Variants in POLR1A observed in about 807,000 individuals in gnomAD.
The protein encoded by POLR1A is RNA polymerase I subunit A.
In POLR1A, 84 loss-of-function variants were observed where a neutral mutation model predicts 205.3. That is an observed-to-expected ratio of 0.41 (90% CI 0.34 to 0.49). The LOEUF (loss-of-function observed/expected upper bound fraction) is 0.49, where lower values mean the gene tolerates loss of function less well. Ranked by LOEUF, POLR1A falls within the 20% of genes least tolerant of loss-of-function variation. POLR1A has a pLI of 0.22. For missense variants in POLR1A, 1,645 were observed against 2,204.5 expected (o/e 0.75, Z 5.08); for synonymous variants, 799 against 863.7 (o/e 0.93, Z 1.31).
At chr2:86,045,477 G>T in intron 20 of POLR1A, 117 bp from the exon 21 acceptor site, 1 of 1,248,548 alleles carries the variant, frequency 8.0e-7, no homozygotes, top group South Asian at 1.3e-5. Flanking sequence ...TCCCTTCCCT[G>T]ATCTCCTAGG....
chr2:86,051,939 G>A (rs1672810046), intron 16 of POLR1A, among the ~76,000 whole-genome samples: 1 of 152,198 alleles, frequency 6.6e-6, no homozygotes, highest in South Asian at 2.1e-4. Context: ...GAGCGCTGAT[G>A]GCCCCACCGC....
chr2:86,087,780 T>C (rs1350539207), intron 6 of POLR1A, among the ~76,000 whole-genome samples: 1 of 152,134 alleles, frequency 6.6e-6, no homozygotes, highest in African/African-American at 2.4e-5. Flanking sequence ...AGACCTCAAG[T>C]GATCTGCCTG....
chr2:86,071,255 T>TAC (rs1673176848), intron 12 of POLR1A, among the ~76,000 whole-genome samples: 1 of 151,504 alleles, frequency 6.6e-6, no homozygotes, highest in South Asian at 2.1e-4. Context: ...TGTGTGTGTG[T>TAC]GTGTGTCTAT....
At chr2:86,063,161 C>A (rs1266801853) in intron 14 of POLR1A, among the ~76,000 whole-genome samples, 1 of 151,830 alleles carries the variant, frequency 6.6e-6, no homozygotes, top group African/African-American at 2.4e-5. Flanking sequence ...CATGGAGAAA[C>A]CCCATCTCTA....
In POLR1A at chr2:86,025,655, G is replaced by A. The variant is rs897067900; in HGVS notation, c.*1768C>T. On this transcript the variant is annotated 3_prime_UTR_variant, in exon 34 of 34. Coordinates refer to ENST00000263857, the MANE Select transcript of POLR1A (RefSeq NM_015425.6). Reference sequence around the variant, plus strand: ...GCCAATATGCAGGGCTTGCTCCTTCGCCTCTGCGCCCTCAGTGCCTGGGAG... The same window carrying A: ...GCCAATATGCAGGGCTTGCTCCTTCACCTCTGCGCCCTCAGTGCCTGGGAG... 2.0e-5 allele frequency: 3 copies of A among 152,266 alleles called. No individual in the cohort carries two copies. The highest frequency in any genetic ancestry group is 2.9e-5 in the Non-Finnish European group (2 of 68,068). 9.4% of individuals were successfully genotyped at this position (152,266 alleles called of 1,614,324 possible).
At chr2:86,034,047 G>C (rs890195754) in intron 27 of POLR1A, among the ~76,000 whole-genome samples, 4 of 152,220 alleles carry the variant, frequency 2.6e-5, no homozygotes, top group African/African-American at 7.2e-5. Flanking sequence ...AGGACAGGCA[G>C]CTTCCTCAGC....
intron 1 of POLR1A, among the ~76,000 whole-genome samples, chr2:86,103,906 G>A (rs764516039): frequency 6.6e-6 from 1 of 152,198 alleles, no homozygotes; most frequent in Non-Finnish European, 1.5e-5. Context: ...TGGCTGAAAG[G>A]ACACTGCATG....
Position 86,048,905 on chromosome 2 carries a change from A to G in POLR1A, c.2613T>C (p.His871=), listed in dbSNP as rs1672752027. 2 of 1,614,036 alleles carry G rather than the reference A, an allele frequency of 1.2e-6. No individual in the cohort carries two copies. Among genetic ancestry groups the G allele is most frequent in the African/African-American group, 2.7e-5 (2 of 74,948 alleles). ...IDLKFKEEVN[H]YSNEINKACM... The stretch of plus-strand genomic sequence containing the variant: ...TAACCTTGTTAATCTCATTGCTGTA[A>G]TGGTTCACTTCCTCCTTGAACTTCA... Residue 871 remains histidine, a synonymous_variant, in exon 18 of 34, where the codon CAT becomes CAC. Transcript: ENST00000263857.
intron 2 of POLR1A, among the ~76,000 whole-genome samples, chr2:86,099,143 A>G (rs943364280): frequency 3.9e-5 from 6 of 152,064 alleles, no homozygotes; most frequent in African/African-American, 1.4e-4. Flanking sequence ...TGAGGCCAGG[A>G]GTTTGAGACC....
chr2:86,045,035 T>A (rs1370992270), intron 21 of POLR1A, among the ~76,000 whole-genome samples: 1 of 152,182 alleles, frequency 6.6e-6, no homozygotes, highest in Non-Finnish European at 1.5e-5. Context: ...CAGCCATAGC[T>A]TCCCCCAGGG....
rs186667885 is a variant in POLR1A at position 86,063,275 on chromosome 2, C to A, written c.2058+1999G>T. On this transcript the variant is annotated intron_variant, in intron 14 of 33. Transcript: ENST00000263857. Reference sequence around the variant, plus strand: ...GCTTGAATCTGGGAGGTGGAGGTTGCGGTGAGCCAGGATCACACCATTGCA... The same window carrying A: ...GCTTGAATCTGGGAGGTGGAGGTTGAGGTGAGCCAGGATCACACCATTGCA... Among the ~76,000 whole-genome samples the A allele has an allele frequency of 2.8e-4, 34 of 120,278 alleles. No homozygotes were observed. The East Asian group carries it at 8.3e-3, about 29-fold the overall frequency. The allele number at this position is 120,278 out of a possible 152,430, so 78.9% of individuals were successfully genotyped here. A position where few individuals can be genotyped will look rare whatever the true frequency, so the allele number is the denominator to read the frequency against.
chr2:86,092,005 C>T (rs1485499057), intron 3 of POLR1A, among the ~76,000 whole-genome samples: 1 of 152,112 alleles, frequency 6.6e-6, no homozygotes, highest in Non-Finnish European at 1.5e-5. Flanking sequence ...GTCCCAGCTA[C>T]TCAAGGAGGC....
At chr2:86,046,808 G>A (rs1490530989) in intron 19 of POLR1A, among the ~76,000 whole-genome samples, 1 of 151,804 alleles carries the variant, frequency 6.6e-6, no homozygotes, top group Non-Finnish European at 1.5e-5. Context: ...CCAGCCCGGT[G>A]ACAGAGCAAG....
chr2:86,103,951 G>A (rs1418783670), intron 1 of POLR1A, among the ~76,000 whole-genome samples: 1 of 152,204 alleles, frequency 6.6e-6, no homozygotes, highest in Non-Finnish European at 1.5e-5. Flanking sequence ...CCCAGATGTT[G>A]AAATATGATG....
rs759892427 is a variant in POLR1A at position 86,033,646 on chromosome 2, C to G, written c.4161+15G>C. On this transcript the variant is annotated intron_variant, in intron 28 of 33. Coordinates refer to ENST00000263857, the MANE Select transcript of POLR1A (RefSeq NM_015425.6). ...GTCCCTGTGCAACTCTAGTGACCCC[C>G]GGGGACTCACTCACCCGACTCCTCC... The G allele has an allele frequency of 2.5e-6, 4 of 1,611,890 alleles. No individual in the cohort carries two copies. The East Asian group carries it at 8.9e-5, about 36-fold the overall frequency.
At chr2:86,097,586 T>A (rs924328714) in intron 3 of POLR1A, among the ~76,000 whole-genome samples, 2 of 152,210 alleles carry the variant, frequency 1.3e-5, no homozygotes, top group African/African-American at 4.8e-5. Context: ...ATCCTGTCAT[T>A]TGCAACAACA....
At chr2:86,080,444 G>T (rs1673378686) in intron 9 of POLR1A, among the ~76,000 whole-genome samples, 1 of 152,232 alleles carries the variant, frequency 6.6e-6, no homozygotes, top group Admixed American at 6.5e-5. Context: ...CTTAAAGCCT[G>T]AGGGAAGTAG....
intron 3 of POLR1A, among the ~76,000 whole-genome samples, chr2:86,097,779 GA>G (rs1673733531): frequency 6.6e-6 from 1 of 152,266 alleles, no homozygotes; most frequent in South Asian, 2.1e-4. Flanking sequence ...TTTGTTAAAG[GA>G]GATAAAATTA....
chr2:86,062,396 C>G (rs570261473), intron 14 of POLR1A, among the ~76,000 whole-genome samples: 1 of 151,622 alleles, frequency 6.6e-6, no homozygotes, highest in East Asian at 1.9e-4. Flanking sequence ...AATCAACAAT[C>G]GAGATATTTG....
Sources: gnomAD v4.1 joint callset for allele counts (sites outside exome capture counted in the v4.1 genomes callset) on GRCh38, gnomAD v4.1.1 for gene constraint, MANE v1.5 for transcripts, NCBI Gene and HGNC (gene_info 2026-07-23, HGNC 2026-07-21) for gene names.